Variants in WDSUB1 observed in about 807,000 individuals in gnomAD.
The protein encoded by WDSUB1 is WD repeat, SAM and U-box domain-containing protein 1.
A neutral mutation model predicts 53.9 loss-of-function variants in WDSUB1; 49 were observed. The ratio of observed to expected loss-of-function variants is 0.91; its 90% CI spans 0.72 to 1.15. The LOEUF (loss-of-function observed/expected upper bound fraction) is 1.15. Among genes scored for constraint, WDSUB1 ranks in the 50% most tolerant of loss-of-function variants. The probability of loss-of-function intolerance (pLI) is 0.00; values close to 1 mark genes in which losing one functional copy is unlikely to be tolerated. For missense variants in WDSUB1, 514 were observed against 562.0 expected, an observed-to-expected ratio of 0.91 and a Z score of 0.86; for synonymous variants, 194 against 200.6, an observed-to-expected ratio of 0.97 and a Z score of 0.28.
intron 5 of WDSUB1, among the ~76,000 whole-genome samples, chr2:159,270,186 G>A (rs2061420874): frequency 6.6e-6 from 1 of 152,096 alleles, no homozygotes; most frequent in Admixed American, 6.6e-5. Context: ...TGCCTAGAAA[G>A]AAGGCTAATA....
At chr2:159,241,736 G>A (rs1345005787) in intron 10 of WDSUB1, among the ~76,000 whole-genome samples, 1 of 51,562 alleles carries the variant, frequency 1.9e-5, no homozygotes, top group African/African-American at 6.4e-5. Context: ...TTTTTGAGAT[G>A]GAGTCTCACA....
rs1211689890 is a variant in WDSUB1 at position 159,256,343 on chromosome 2, T to G, written c.985A>C (p.Thr329Pro). 24 of 1,611,544 alleles carry G rather than the reference T, an allele frequency of 1.5e-5. No individual in the cohort carries two copies. The highest frequency in any genetic ancestry group is 2.0e-5 in the Non-Finnish European group (24 of 1,179,268). ...ACATCCTCCTCTGACCAATCTTCGG[T>G]AAATTGCTTCAGCTGATGTTCTGTG... The part of the protein sequence containing the change: ...RRTEHQLKQF[T>P]EDWSEEDVST... Residue 329 changes from threonine to proline, a missense_variant, in exon 9 of 11, where the codon ACC becomes CCC. Thr to Pro is a conservative substitution (Grantham distance 38). Transcript: ENST00000359774.
At chr2:159,255,428 C>G (rs953420364) in intron 9 of WDSUB1, among the ~76,000 whole-genome samples, 3 of 152,112 alleles carry the variant, frequency 2.0e-5, no homozygotes, top group African/African-American at 7.2e-5. Context: ...GATCGCGCCA[C>G]TGCACACCGG....
At chr2:159,240,413 A>G (rs898282429) in intron 10 of WDSUB1, among the ~76,000 whole-genome samples, 1 of 152,170 alleles carries the variant, frequency 6.6e-6, no homozygotes, top group African/African-American at 2.4e-5. Context: ...AACTTTCTGA[A>G]GAGCTTCCAG....
chr2:159,248,626 AG>A (rs1192745803), intron 9 of WDSUB1, 114 bp from the exon 10 acceptor site: 15 of 1,221,780 alleles, frequency 1.2e-5, no homozygotes, highest in Non-Finnish European at 1.5e-5. Flanking sequence ...ATTTTGAGAC[AG>A]GGGCTCACTC....
intron 5 of WDSUB1, among the ~76,000 whole-genome samples, chr2:159,261,281 A>G (rs2061182502): frequency 6.6e-6 from 1 of 152,214 alleles, no homozygotes; most frequent in Non-Finnish European, 1.5e-5. Flanking sequence ...TGTAGGTTAC[A>G]TGCAAATATC....
Position 159,248,477 on chromosome 2 carries a change from T to C in WDSUB1, c.1168A>G (p.Ile390Val), listed in dbSNP as rs74475652. ...LGLRSKVLRK[I>V]EELRTKVKSL... Reference sequence around the variant, plus strand: ...TTAACCTTGGTCCTGAGCTCTTCAATTTTCCTCAGCACTTTACTACGCAGT... The same window carrying C: ...TTAACCTTGGTCCTGAGCTCTTCAACTTTCCTCAGCACTTTACTACGCAGT... Residue 390 changes from isoleucine to valine, a missense_variant, in exon 10 of 11, where the codon ATT (isoleucine) becomes GTT (valine). Physicochemically the swap from Ile to Val is conservative, Grantham distance 29. Transcript: ENST00000359774. 7.2e-3 allele frequency: 11,320 copies of C among 1,577,106 alleles called. 773 individuals are homozygous for C. The African/African-American group carries it at 0.14, about 20-fold the overall frequency.
intron 9 of WDSUB1, among the ~76,000 whole-genome samples, chr2:159,249,617 C>T (rs766151414): frequency 1.3e-5 from 2 of 152,088 alleles, no homozygotes; most frequent in Non-Finnish European, 2.9e-5. Flanking sequence ...ATAGTGCGTC[C>T]CTCCCTGTGG....
Position 159,276,920 on chromosome 2 carries a change from C to T in WDSUB1, c.584-1282G>A, listed in dbSNP as rs144551989. 8.1e-3 allele frequency among the ~76,000 whole-genome samples: 1,234 copies of T among 152,186 alleles called. 10 individuals carry two copies. Among genetic ancestry groups the T allele is most frequent in the African/African-American group, 0.023 (953 of 41,548 alleles). ...CTTAGGAGGCCGAGGCAGGGGATCT[C>T]CTTGAGCCCAGGAGTTTGAGGCTGC... On this transcript the variant is annotated intron_variant, in intron 3 of 10. Transcript: ENST00000359774.
At chr2:159,243,222 T>C (rs1307873142) in intron 10 of WDSUB1, among the ~76,000 whole-genome samples, 2 of 147,928 alleles carry the variant, frequency 1.4e-5, no homozygotes, top group African/African-American at 5.3e-5. Context: ...AAAAAGCCAC[T>C]TGAAAGCTGT....
At position 159,279,928 on chromosome 2, in the gene WDSUB1, T is replaced by A; in HGVS notation, c.416A>T (p.Asp139Val). ...AAATGCACATGCCGCCAAGGAGCCA[T>A]CTTTAACACTACCACATCTGAAATA... ...YKLYRCGSVK[D>V]GSLAACAFSP... Residue 139 changes from aspartate (D) to valine (V), a missense_variant, in exon 3 of 11, where the codon GAT (aspartate) becomes GTT (valine). Transcript: ENST00000359774. 1 of 1,610,860 alleles carries A rather than the reference T, an allele frequency of 6.2e-7. No homozygotes were observed. The highest frequency in any genetic ancestry group is 8.5e-7 in the Non-Finnish European group (1 of 1,177,892).
chr2:159,285,319 G>C (rs1375552492), intron 1 of WDSUB1, among the ~76,000 whole-genome samples: 1 of 152,088 alleles, frequency 6.6e-6, no homozygotes, highest in Non-Finnish European at 1.5e-5. Context: ...TGTCAAGTGA[G>C]GCAGAATCAG....
At chr2:159,280,054 G>C in intron 2 of WDSUB1, 109 bp from the exon 3 acceptor site, 2 of 982,976 alleles carry the variant, frequency 2.0e-6, no homozygotes, top group Non-Finnish European at 2.9e-6. Flanking sequence ...GGCTATCACA[G>C]AACTAGAGAG....
At chr2:159,238,340 C>T (rs1002879390) in intron 10 of WDSUB1, among the ~76,000 whole-genome samples, 1 of 152,088 alleles carries the variant, frequency 6.6e-6, no homozygotes, top group Non-Finnish European at 1.5e-5. Context: ...CTTTAAAAGT[C>T]TTTGAAGAGA....
At chr2:159,265,326 C>G (rs78239870) in intron 5 of WDSUB1, among the ~76,000 whole-genome samples, 7,587 of 151,666 alleles carry the variant, frequency 0.05, 365 homozygotes, top group East Asian at 0.24. Flanking sequence ...CACTCACTCT[C>G]TCTCTTTTCT....
chr2:159,248,267 C>A, intron 10 of WDSUB1, 105 bp downstream of exon 10: 1 of 1,361,934 alleles, frequency 7.3e-7, no homozygotes, highest in Non-Finnish European at 9.9e-7. Context: ...TAAGAAAAAA[C>A]TACTTAAAAT....
intron 5 of WDSUB1, among the ~76,000 whole-genome samples, chr2:159,263,565 T>C (rs1455508065): frequency 6.6e-6 from 1 of 152,126 alleles, no homozygotes; most frequent in Non-Finnish European, 1.5e-5. Context: ...AGTTATGCAA[T>C]GTAAAATAGA....
At chr2:159,239,253 C>A (rs2060574776) in intron 10 of WDSUB1, among the ~76,000 whole-genome samples, 1 of 138,516 alleles carries the variant, frequency 7.2e-6, no homozygotes, top group South Asian at 2.2e-4. Context: ...AACGCTCCCA[C>A]CTTGGCTTCC....
chr2:159,254,398 A>G (rs1029774290), intron 9 of WDSUB1, among the ~76,000 whole-genome samples: 2 of 152,074 alleles, frequency 1.3e-5, no homozygotes, highest in Non-Finnish European at 2.9e-5. Flanking sequence ...CATCTCTACA[A>G]ATAATTTTAA....
Sources: allele counts gnomAD v4.1 joint callset (sites outside exome capture counted in the v4.1 genomes callset), GRCh38; gene constraint gnomAD v4.1.1; transcripts MANE v1.5; gene names NCBI Gene and HGNC (gene_info 2026-07-23, HGNC 2026-07-21).